CELF2: variants seen among roughly 807,000 people sequenced by gnomAD.
The protein encoded by CELF2 is CUGBP Elav-like family member 2.
CELF2 carries 8 observed loss-of-function variants against 62.6 expected under a neutral mutation model. The observed-to-expected ratio is 0.13, with a 90% CI of 0.07 to 0.23. The LOEUF (loss-of-function observed/expected upper bound fraction) is 0.23, where lower values mean the gene tolerates loss of function less well. Among genes scored for constraint, CELF2 ranks in the 10% least tolerant of loss-of-function variants. The probability of loss-of-function intolerance (pLI) is 1.00; values close to 1 mark genes in which losing one functional copy is unlikely to be tolerated. For synonymous variants in CELF2, 258 were observed against 250.0 expected (o/e 1.03, Z -0.30); for missense variants, 333 against 671.0 (o/e 0.50, Z 5.56).
chr10:11,238,330 A>G (rs1482093104), intron 3 of CELF2, among the ~76,000 whole-genome samples: 1 of 152,220 alleles, frequency 6.6e-6, no homozygotes, highest in Admixed American at 6.5e-5. Context: ...CCTTAGCAGC[A>G]CTATAATCCT....
At chr10:11,106,846 A>G (rs1008249607) in intron 1 of CELF2, among the ~76,000 whole-genome samples, 4 of 152,194 alleles carry the variant, frequency 2.6e-5, no homozygotes, top group Admixed American at 1.3e-4. Context: ...CTTGGGGACA[A>G]TGACGCTTCA....
At chr10:10,897,610 A>G (rs1428752148) in intron 1 of CELF2, among the ~76,000 whole-genome samples, 1 of 152,192 alleles carries the variant, frequency 6.6e-6, no homozygotes, top group Non-Finnish European at 1.5e-5. Flanking sequence ...CCTGTGACTC[A>G]TGGACCCAAG....
At chr10:11,176,331 A>T (rs1053948830) in intron 2 of CELF2, among the ~76,000 whole-genome samples, 9 of 152,228 alleles carry the variant, frequency 5.9e-5, no homozygotes, top group Admixed American at 6.5e-5. Flanking sequence ...TAACGAAGCC[A>T]TCAGCATTGC....
the CELF2 span, among the ~76,000 whole-genome samples, chr10:10,755,059 G>T: frequency 6.6e-6 from 1 of 152,166 alleles, no homozygotes; most frequent in South Asian, 2.1e-4. Context: ...ATACACCAAG[G>T]TTATGTTTAC....
chr10:10,585,072 A>T, the CELF2 span, among the ~76,000 whole-genome samples: 1 of 152,170 alleles, frequency 6.6e-6, no homozygotes, highest in Admixed American at 6.6e-5. Context: ...ATCTAGTAAA[A>T]TAGCCCTTAA....
At chr10:10,743,919 A>C in the CELF2 span, among the ~76,000 whole-genome samples, 1 of 147,528 alleles carries the variant, frequency 6.8e-6, no homozygotes, top group East Asian at 2.0e-4. Flanking sequence ...GTCCAGCAGC[A>C]GCCATGCTCA....
chr10:11,020,086 A>T (rs542383978), intron 1 of CELF2, among the ~76,000 whole-genome samples: 2 of 152,330 alleles, frequency 1.3e-5, no homozygotes, highest in African/African-American at 4.8e-5. Flanking sequence ...CATTTGGTGG[A>T]TGAATGTGGC....
chr10:11,240,997 C>A (rs2073680818), intron 3 of CELF2, among the ~76,000 whole-genome samples: 1 of 152,012 alleles, frequency 6.6e-6, no homozygotes, highest in African/African-American at 2.4e-5. Flanking sequence ...AGTTATTTAG[C>A]CTCTCTCTGC....
the CELF2 span, among the ~76,000 whole-genome samples, chr10:10,587,696 T>TATCC: frequency 6.6e-6 from 1 of 152,202 alleles, no homozygotes. Flanking sequence ...ATACCAAAAC[T>TATCC]ATCCACGTTA....
intron 3 of CELF2, among the ~76,000 whole-genome samples, chr10:11,245,169 T>C (rs1048846040): frequency 6.6e-6 from 1 of 152,250 alleles, no homozygotes; most frequent in Non-Finnish European, 1.5e-5. Context: ...TCCATCCTTA[T>C]ACTTTAAAAC....
At chr10:10,953,873 G>A (rs1233974705) in intron 2 of CELF2, among the ~76,000 whole-genome samples, 1 of 150,638 alleles carries the variant, frequency 6.6e-6, no homozygotes, top group African/African-American at 2.4e-5. Context: ...CTATTTCATA[G>A]GCCTGCTATT....
At chr10:11,202,939 CTCTCTCTCTCTCTG>C (rs1156477760) in intron 2 of CELF2, among the ~76,000 whole-genome samples, 139 of 85,162 alleles carry the variant, frequency 1.6e-3, no homozygotes, top group Middle Eastern at 6.4e-3. Context: ...CTCTCTCTCT[CTCTCTCTCTCTCTG>C]TGTGTGTGTG....
intron 1 of CELF2, among the ~76,000 whole-genome samples, chr10:10,861,041 C>T (rs1411477870): frequency 6.6e-6 from 1 of 151,960 alleles, no homozygotes; most frequent in Non-Finnish European, 1.5e-5. Flanking sequence ...CTGCCTCAGC[C>T]CCCTGAGTAG....
chr10:10,680,595 C>T, the CELF2 span, among the ~76,000 whole-genome samples: 3 of 152,216 alleles, frequency 2.0e-5, no homozygotes, highest in Non-Finnish European at 1.5e-5. Context: ...TACATAAACA[C>T]GTTGACTATA....
the CELF2 span, among the ~76,000 whole-genome samples, chr10:10,475,870 T>G: frequency 6.6e-6 from 1 of 152,258 alleles, no homozygotes; most frequent in South Asian, 2.1e-4. Flanking sequence ...TTCCTTTTAT[T>G]ATTTTCTGTA....
the CELF2 span, among the ~76,000 whole-genome samples, chr10:10,759,167 A>C: frequency 0.078 from 11,914 of 152,260 alleles, 685 homozygotes; most frequent in East Asian, 0.2. Context: ...CCAAAGGCAT[A>C]AGACTGTATG....
intron 5 of CELF2, among the ~76,000 whole-genome samples, chr10:11,265,754 A>T (rs1203259880): frequency 6.6e-6 from 1 of 152,250 alleles, no homozygotes; most frequent in African/African-American, 2.4e-5. Context: ...ACAGCACAAG[A>T]AAAAACAGGC....
At chr10:10,729,413 G>A in the CELF2 span, among the ~76,000 whole-genome samples, 1 of 152,232 alleles carries the variant, frequency 6.6e-6, no homozygotes, top group Admixed American at 6.5e-5. Context: ...TCCTCGCAAC[G>A]GCTGCTTCAA....
At chr10:10,880,233 G>A (rs1270306767) in intron 1 of CELF2, among the ~76,000 whole-genome samples, 1 of 152,160 alleles carries the variant, frequency 6.6e-6, no homozygotes, top group Admixed American at 6.5e-5. Flanking sequence ...GAGGGGCTGG[G>A]CCTACCAGGG....
Sources: allele counts gnomAD v4.1 joint callset (sites outside exome capture counted in the v4.1 genomes callset), GRCh38; gene constraint gnomAD v4.1.1; transcripts MANE v1.5; gene names NCBI Gene and HGNC (gene_info 2026-07-23, HGNC 2026-07-21).